The following LRBA variants were observed in gnomAD, a reference collection of about 807,000 sequenced individuals.
The protein encoded by LRBA is LPS responsive beige-like anchor protein, also known as lipopolysaccharide-responsive and beige-like anchor protein.
Under a neutral mutation model 330.0 loss-of-function variants are expected in LRBA, and 176 were observed. That is an observed-to-expected ratio of 0.53 (90% CI 0.47 to 0.60). LRBA has a LOEUF of 0.60. Among genes scored for constraint, LRBA ranks in the 20% least tolerant of loss-of-function variants. The pLI is 0.00. For missense variants in LRBA, 3,259 were observed against 3,444.8 expected (o/e 0.95, Z 1.35); for synonymous variants, 1,230 against 1,193.0 (o/e 1.03, Z -0.64).
chr4:150,325,873 A>G lies in LRBA; in HGVS notation c.7388T>C (p.Phe2463Ser), dbSNP rs752754400. The change falls in exon 49 of 57, where the codon TTT (phenylalanine) becomes TCT (serine). Residue 2463 changes from phenylalanine to serine, a missense_variant. By Grantham distance (155) the Phe-to-Ser change is radical. Coordinates refer to ENST00000651943, the MANE Select transcript of LRBA (RefSeq NM_001364905.1). ...GAGTAGTTGAGAAGGAGTCTGTCCA[A>G]AACTTCGGATTTGAGCTTCAACAGC... ...REAVEAQIRS[F>S]GQTPSQLLIE... 4 of 1,613,290 alleles carry G rather than the reference A, an allele frequency of 2.5e-6. No individual in the cohort carries two copies. The highest frequency in any genetic ancestry group is 2.5e-6 in the Non-Finnish European group (3 of 1,179,528).
intron 28 of LRBA, among the ~76,000 whole-genome samples, chr4:150,833,517 T>C (rs1747519199): frequency 6.6e-6 from 1 of 152,190 alleles, no homozygotes; most frequent in South Asian, 2.1e-4. Flanking sequence ...ACAAATATTT[T>C]AGTTTCCGAG....
At chr4:150,559,792 A>G (rs1435460720) in intron 40 of LRBA, among the ~76,000 whole-genome samples, 1 of 83,190 alleles carries the variant, frequency 1.2e-5, no homozygotes, top group African/African-American at 5.3e-5. Flanking sequence ...TATTATATAT[A>G]ATTATAATAT....
chr4:150,445,301 A>G (rs1278729930), intron 44 of LRBA, among the ~76,000 whole-genome samples: 1 of 150,154 alleles, frequency 6.7e-6, no homozygotes, highest in Non-Finnish European at 1.5e-5. Flanking sequence ...ATTTGCTTTG[A>G]AAGTCATCTG....
intron 33 of LRBA, among the ~76,000 whole-genome samples, chr4:150,805,564 AGG>A (rs1742621623): frequency 8.7e-6 from 1 of 115,124 alleles, no homozygotes; most frequent in African/African-American, 4.2e-5. Context: ...AGGAAAGGAA[AGG>A]AAAGGAAAGG....
At chr4:150,457,751 T>C (rs1277951190) in intron 44 of LRBA, among the ~76,000 whole-genome samples, 1 of 151,962 alleles carries the variant, frequency 6.6e-6, no homozygotes, top group East Asian at 1.9e-4. Context: ...ATAGTTCCTA[T>C]GTAAATTCAC....
chr4:150,350,554 C>CGAAA (rs1255135836), intron 47 of LRBA, among the ~76,000 whole-genome samples: 2 of 132,038 alleles, frequency 1.5e-5, no homozygotes, highest in African/African-American at 5.5e-5. Context: ...TGGAAAAGAG[C>CGAAA]GAAACTCCAT....
chr4:150,316,489 G>A (rs1731734672), intron 50 of LRBA, among the ~76,000 whole-genome samples: 1 of 152,124 alleles, frequency 6.6e-6, no homozygotes, highest in African/African-American at 2.4e-5. Context: ...CCCTAAAACA[G>A]GGTTCAGAAT....
rs545663598 is a variant in LRBA, at chr4:150,507,082, A to G, written c.6331-16047T>C. Among the ~76,000 whole-genome samples, 24 of 151,894 alleles carry G rather than the reference A, an allele frequency of 1.6e-4. 1 individual carries two copies. The South Asian group carries it at 5.0e-3, about 32-fold the overall frequency. ...ACTGCTCAATGAAATAAAAGAGGAT[A>G]CAAACAAATGGAAGAACATTCCATG... On this transcript the variant is annotated intron_variant, in intron 40 of 56. Coordinates refer to ENST00000651943, the MANE Select transcript of LRBA (RefSeq NM_001364905.1).
At chr4:150,833,854 A>G (rs1747584696) in intron 28 of LRBA, among the ~76,000 whole-genome samples, 1 of 151,992 alleles carries the variant, frequency 6.6e-6, no homozygotes, top group Non-Finnish European at 1.5e-5. Flanking sequence ...ACAGGATTGG[A>G]GTCATTCCTC....
intron 48 of LRBA, among the ~76,000 whole-genome samples, chr4:150,336,604 C>T (rs1204281968): frequency 6.6e-6 from 1 of 152,060 alleles, no homozygotes; most frequent in African/African-American, 2.4e-5. Context: ...AGTATTTATA[C>T]TAGCATATCT....
At chr4:151,010,887 TAAA>T (rs781407120) in intron 2 of LRBA, among the ~76,000 whole-genome samples, 8 of 77,440 alleles carry the variant, frequency 1.0e-4, no homozygotes, top group Non-Finnish European at 5.3e-5. Context: ...CCCTCTCAAT[TAAA>T]AAAAAAAAAA....
rs76808099 is a variant in LRBA at position 150,630,695 on chromosome 4, C to T, written c.5922-31564G>A. On this transcript the variant is annotated intron_variant, in intron 37 of 56. Coordinates refer to ENST00000651943, the MANE Select transcript of LRBA (RefSeq NM_001364905.1). The stretch of plus-strand genomic sequence containing the variant: ...ATAATACTCAATTATCTTAAAAAGC[C>T]AATTATTCCAAATTTGCTAAACTTT... Among the ~76,000 whole-genome samples, 1,178 of 152,078 alleles carry T rather than the reference C, an allele frequency of 7.7e-3. 15 individuals are homozygous for T. The highest frequency in any genetic ancestry group is 0.027 in the African/African-American group (1,119 of 41,510).
Position 150,483,496 on chromosome 4 carries a change from CT to C in LRBA, c.6551+4235del, listed in dbSNP as rs967954975. 1.3e-4 allele frequency among the ~76,000 whole-genome samples: 13 copies of C among 99,018 alleles called. No homozygotes were observed. In the East Asian group the frequency reaches 3.3e-3, roughly 25 times the overall value. 65.0% of individuals were successfully genotyped at this position (99,018 alleles called of 152,430 possible). ...TCAGCTTGTCTATTTCTCTTTTTTC[CT>C]TTTTTTAAGTTAAAAAAATAGAGAT... On this transcript the variant is annotated intron_variant, in intron 42 of 56. Coordinates refer to ENST00000651943, the MANE Select transcript of LRBA (RefSeq NM_001364905.1).
chr4:151,003,684 C>G (rs1445507743), intron 2 of LRBA, among the ~76,000 whole-genome samples: 1 of 151,618 alleles, frequency 6.6e-6, no homozygotes, highest in Non-Finnish European at 1.5e-5. Flanking sequence ...CCCAGCTACT[C>G]AGGAGGCTGA....
At position 150,683,422 on chromosome 4, in the gene LRBA, T is replaced by C. The variant is rs565555275; in HGVS notation, c.5921+129A>G. Reference sequence around the variant, plus strand: ...CTCCTTCCCTTTGGCTTTAAATTCATAGAGATGATGAAAGACAAAATTAAA... The same window carrying C: ...CTCCTTCCCTTTGGCTTTAAATTCACAGAGATGATGAAAGACAAAATTAAA... On this transcript the variant is annotated intron_variant, in intron 37 of 56. Coordinates refer to ENST00000651943, the MANE Select transcript of LRBA (RefSeq NM_001364905.1). 40 of 739,758 alleles carry C rather than the reference T, an allele frequency of 5.4e-5. 1 individual carries two copies. In the South Asian group the frequency reaches 6.5e-4, roughly 12 times the overall value. 45.8% of individuals were successfully genotyped at this position (739,758 alleles called of 1,614,324 possible).
chr4:150,816,750 A>T (rs1219185059), intron 31 of LRBA, among the ~76,000 whole-genome samples: 1 of 151,950 alleles, frequency 6.6e-6, no homozygotes, highest in Non-Finnish European at 1.5e-5. Flanking sequence ...CAGTAACCAC[A>T]TTAAAAGATT....
Position 150,852,083 on chromosome 4 carries a change from C to T in LRBA, c.3627G>A (p.Leu1209=), listed in dbSNP as rs1750682094. 3.1e-6 allele frequency: 5 copies of T among 1,614,128 alleles called. No homozygotes were observed. Among genetic ancestry groups the T allele is most frequent in the Middle Eastern group, 1.6e-4 (1 of 6,062 alleles). The change falls in exon 23 of 57, where the codon CTG becomes CTA. Residue 1209 remains leucine (L), a synonymous_variant. Transcript: ENST00000651943. ...GGTTAGTTGCTTTCTTCCCTTCCTC[C>T]AGCATCTGACCAAGGTCTGATTCTA... ...IAVESDLGQM[L]EEGKKATNLT... is the part of the protein sequence containing the mutation.
intron 40 of LRBA, among the ~76,000 whole-genome samples, chr4:150,497,651 T>C (rs1759751784): frequency 6.6e-6 from 1 of 152,190 alleles, no homozygotes; most frequent in Non-Finnish European, 1.5e-5. Flanking sequence ...AATGTTCTAC[T>C]TGGCAGTTTT....
At chr4:150,617,038 T>C (rs185306516) in intron 37 of LRBA, among the ~76,000 whole-genome samples, 2 of 152,324 alleles carry the variant, frequency 1.3e-5, no homozygotes, top group East Asian at 1.9e-4. Context: ...AGCAAGCTTG[T>C]CAACTAGGGT....
Sources: gnomAD v4.1 joint callset for allele counts (sites outside exome capture counted in the v4.1 genomes callset) on GRCh38, gnomAD v4.1.1 for gene constraint, MANE v1.5 for transcripts, NCBI Gene and HGNC (gene_info 2026-07-23, HGNC 2026-07-21) for gene names.